HTR1E: variants seen among roughly 807,000 people sequenced by gnomAD.
HTR1E encodes the protein 5-hydroxytryptamine receptor 1E.
A neutral mutation model predicts 3.4 loss-of-function variants in HTR1E; 3 were observed. The ratio of observed to expected loss-of-function variants is 0.89; its 90% CI spans 0.41 to 2.31. The LOEUF is 2.31. HTR1E is among the 30% of genes most tolerant of loss of function. HTR1E has a pLI of 0.05. For synonymous variants in HTR1E, 170 were observed against 182.8 expected, an observed-to-expected ratio of 0.93 and a Z score of 0.56; for missense variants, 392 against 467.0, an observed-to-expected ratio of 0.84 and a Z score of 1.48.
intron 1 of HTR1E, among the ~76,000 whole-genome samples, chr6:87,002,854 T>C (rs183122966): frequency 1.3e-3 from 193 of 152,318 alleles, no homozygotes; most frequent in African/African-American, 4.4e-3. Context: ...AGGAGAGAGA[T>C]AGACCTCAAT....
intron 1 of HTR1E, among the ~76,000 whole-genome samples, chr6:86,956,784 G>C (rs1362321960): frequency 6.6e-6 from 1 of 152,116 alleles, no homozygotes; most frequent in East Asian, 1.9e-4. Flanking sequence ...GCTACTACTT[G>C]CTTGCCATAT....
At chr6:87,009,178 C>T (rs1370829861) in intron 1 of HTR1E, among the ~76,000 whole-genome samples, 2 of 149,922 alleles carry the variant, frequency 1.3e-5, no homozygotes, top group Admixed American at 6.6e-5. Context: ...GAACAAAGGT[C>T]TCTGGTTTTC....
chr6:87,015,529 C>T lies in HTR1E; in HGVS notation c.195C>T (p.Ala65=), dbSNP rs200678632. The change falls in exon 2 of 2, where the codon GCC becomes GCT. Residue 65 remains alanine, a synonymous_variant. Coordinates refer to ENST00000305344, the MANE Select transcript of HTR1E (RefSeq NM_000865.3). ...CCAACTACCTAATCTGTTCTCTGGC[C>T]GTGACGGACCTCCTGGTGGCAGTGC... ...QPANYLICSL[A]VTDLLVAVLV... 19 of 1,612,810 alleles carry T rather than the reference C, an allele frequency of 1.2e-5. No homozygotes were observed. The highest frequency in any genetic ancestry group is 2.7e-5 in the African/African-American group (2 of 74,844).
At chr6:86,995,699 A>G (rs1582277277) in intron 1 of HTR1E, among the ~76,000 whole-genome samples, 1 of 128,184 alleles carries the variant, frequency 7.8e-6, no homozygotes. Flanking sequence ...AAAAAAAAAA[A>G]AAAAAGAAAA....
intron 1 of HTR1E, among the ~76,000 whole-genome samples, chr6:87,010,248 T>C (rs1428038575): frequency 3.0e-3 from 217 of 72,362 alleles, no homozygotes; most frequent in African/African-American, 4.6e-3. Context: ...TCCTCACTTC[T>C]CAGTAGGGGC....
intron 1 of HTR1E, among the ~76,000 whole-genome samples, chr6:86,985,535 T>C (rs1767772895): frequency 6.6e-6 from 1 of 151,952 alleles, no homozygotes. Flanking sequence ...TTGAGTGCCT[T>C]AGAAAAAAAA....
chr6:86,974,750 T>C (rs1767606027), intron 1 of HTR1E, among the ~76,000 whole-genome samples: 1 of 152,208 alleles, frequency 6.6e-6, no homozygotes, highest in Non-Finnish European at 1.5e-5. Context: ...ATTCATTCAC[T>C]TATCTTTTGT....
rs1768050019 is a variant in HTR1E at position 87,003,208 on chromosome 6, GT to G, written c.-185-11939del. On this transcript the variant is annotated intron_variant, in intron 1 of 1. Coordinates refer to ENST00000305344, the MANE Select transcript of HTR1E (RefSeq NM_000865.3). ...ATACAAACACATGGAAATTAAACATGTTTCTGAATGACCAGTGGGCCAATGA... is the reference window on the plus strand; with the variant it reads ...ATACAAACACATGGAAATTAAACATGTTCTGAATGACCAGTGGGCCAATGA... Among the ~76,000 whole-genome samples, 3 of 152,144 alleles carry G rather than the reference GT, an allele frequency of 2.0e-5. 1 individual carries two copies. The South Asian group carries it at 6.2e-4, about 32-fold the overall frequency.
At chr6:87,002,353 G>A (rs1447278146) in intron 1 of HTR1E, among the ~76,000 whole-genome samples, 4 of 152,218 alleles carry the variant, frequency 2.6e-5, no homozygotes, top group Non-Finnish European at 5.9e-5. Flanking sequence ...CCCAAAGAGT[G>A]AGCAACAGCA....
intron 1 of HTR1E, among the ~76,000 whole-genome samples, chr6:86,962,088 T>A (rs1353572760): frequency 6.6e-6 from 1 of 152,156 alleles, no homozygotes; most frequent in Non-Finnish European, 1.5e-5. Context: ...TGACTGGCAT[T>A]GAGGAACATG....
chr6:86,994,263 G>A (rs1767907370), intron 1 of HTR1E, among the ~76,000 whole-genome samples: 1 of 151,918 alleles, frequency 6.6e-6, no homozygotes, highest in South Asian at 2.1e-4. Context: ...AAAAGATAGA[G>A]AAAAAGATTC....
intron 1 of HTR1E, among the ~76,000 whole-genome samples, chr6:87,013,506 T>C (rs1034595159): frequency 1.3e-5 from 2 of 152,138 alleles, no homozygotes; most frequent in Non-Finnish European, 2.9e-5. Context: ...CAGTTAACTT[T>C]CCAAAGTGCT....
rs891993532 is a variant in HTR1E at position 86,937,830 on chromosome 6, G to C, written c.-186+7G>C. The C allele has an allele frequency of 4.6e-5, 7 of 152,792 alleles. No individual in the cohort carries two copies. Among genetic ancestry groups the C allele is most frequent in the East Asian group, 1.9e-4 (1 of 5,196 alleles). The allele number at this position is 152,792 out of a possible 1,614,324, so 9.5% of individuals were successfully genotyped here. On this transcript the variant is annotated splice_region_variant and intron_variant, in intron 1 of 1. Coordinates refer to ENST00000305344, the MANE Select transcript of HTR1E (RefSeq NM_000865.3). ...TGCACGCACCGTCCACAAGGTGAGG[G>C]GCGCACACCTTCCGGGACGACCTTG...
At chr6:86,991,913 G>T (rs1767873937) in intron 1 of HTR1E, among the ~76,000 whole-genome samples, 1 of 152,088 alleles carries the variant, frequency 6.6e-6, no homozygotes, top group African/African-American at 2.4e-5. Context: ...AATTGTGCAG[G>T]ATATTACATC....
At chr6:87,012,372 A>C (rs1376476621) in intron 1 of HTR1E, among the ~76,000 whole-genome samples, 3 of 152,176 alleles carry the variant, frequency 2.0e-5, no homozygotes, top group Admixed American at 6.5e-5. Flanking sequence ...CAAAGAAGGG[A>C]GCAATAGATA....
chr6:86,979,585 A>G (rs936810433), intron 1 of HTR1E, among the ~76,000 whole-genome samples: 6 of 152,230 alleles, frequency 3.9e-5, no homozygotes, highest in Non-Finnish European at 7.3e-5. Context: ...GTTGGAAAAC[A>G]TAACAAGTAA....
At chr6:86,950,524 C>G (rs1347890856) in intron 1 of HTR1E, among the ~76,000 whole-genome samples, 1 of 152,148 alleles carries the variant, frequency 6.6e-6, no homozygotes, top group African/African-American at 2.4e-5. Flanking sequence ...ACTTAACTAC[C>G]CTCTGCCTCA....
chr6:86,984,813 C>T (rs1767761190), intron 1 of HTR1E, among the ~76,000 whole-genome samples: 1 of 152,092 alleles, frequency 6.6e-6, no homozygotes, highest in Non-Finnish European at 1.5e-5. Context: ...AAAACTGTGG[C>T]CCAGAGGTAA....
Position 86,951,451 on chromosome 6 carries a change from A to C in HTR1E, c.-186+13628A>C, listed in dbSNP as rs565353623. On this transcript the variant is annotated intron_variant, in intron 1 of 1. Transcript: ENST00000305344. Reference sequence around the variant, plus strand: ...ACTAGACTTCTGAAAGACTTTATGCATCATCAGTAAATCTAAATTGATATT... The same window carrying C: ...ACTAGACTTCTGAAAGACTTTATGCCTCATCAGTAAATCTAAATTGATATT... 1.4e-4 allele frequency among the ~76,000 whole-genome samples: 21 copies of C among 152,378 alleles called. 1 individual carries two copies. In the South Asian group the frequency reaches 4.3e-3, roughly 32 times the overall value.
Sources: allele counts gnomAD v4.1 joint callset (sites outside exome capture counted in the v4.1 genomes callset), GRCh38; gene constraint gnomAD v4.1.1; transcripts MANE v1.5; gene names NCBI Gene and HGNC (gene_info 2026-07-23, HGNC 2026-07-21).